Variants in SIM1 observed in about 807,000 individuals in gnomAD.
The protein encoded by SIM1 is SIM bHLH transcription factor 1, also known as single-minded homolog 1.
Under a neutral mutation model 78.2 loss-of-function variants are expected in SIM1, and 18 were observed. That is an observed-to-expected ratio of 0.23 (90% confidence interval 0.16 to 0.34). The LOEUF (loss-of-function observed/expected upper bound fraction) is 0.34. SIM1 is among the 10% of genes least tolerant of loss of function. The pLI, the probability that SIM1 is intolerant of heterozygous loss-of-function variation, is 1.00. For synonymous variants in SIM1, 417 were observed against 385.2 expected, an observed-to-expected ratio of 1.08 and a Z score of -0.97; for missense variants, 939 against 975.1, an observed-to-expected ratio of 0.96 and a Z score of 0.49.
At chr6:100,423,064 C>T (rs1771637484) in intron 9 of SIM1, among the ~76,000 whole-genome samples, 1 of 152,216 alleles carries the variant, frequency 6.6e-6, no homozygotes, top group African/African-American at 2.4e-5. Flanking sequence ...GTTTGTCTTT[C>T]AGGCTTGGGA....
intron 9 of SIM1, among the ~76,000 whole-genome samples, chr6:100,434,566 C>T (rs1771992874): frequency 6.6e-6 from 1 of 152,186 alleles, no homozygotes; most frequent in Non-Finnish European, 1.5e-5. Context: ...AAATGAATGG[C>T]TGAAGAGCAG....
chr6:100,412,742 A>AGAAAGAAAGAAG (rs1562240196), intron 10 of SIM1, among the ~76,000 whole-genome samples: 38 of 141,730 alleles, frequency 2.7e-4, no homozygotes, highest in African/African-American at 9.9e-4. Flanking sequence ...AAAGAAAGAA[A>AGAAAGAAAGAAG]GAAAGAAAGA....
intron 10 of SIM1, among the ~76,000 whole-genome samples, chr6:100,411,288 T>C (rs1158039458): frequency 2.0e-5 from 3 of 152,216 alleles, no homozygotes; most frequent in African/African-American, 7.2e-5. Context: ...TATTTTCATT[T>C]TGTACTGGAG....
At chr6:100,451,283 G>A (rs1232278660) in intron 3 of SIM1, among the ~76,000 whole-genome samples, 3 of 152,200 alleles carry the variant, frequency 2.0e-5, no homozygotes, top group African/African-American at 7.2e-5. Context: ...AGCTTGGACT[G>A]GAGAAGAGAG....
At position 100,390,164 on chromosome 6, in the gene SIM1, A is replaced by G; in HGVS notation, c.*197T>C. 5 of 602,018 alleles carry G rather than the reference A, an allele frequency of 8.3e-6. No homozygotes were observed. The highest frequency in any genetic ancestry group is 8.5e-6 in the Non-Finnish European group (3 of 354,930). The allele number at this position is 602,018 out of a possible 1,614,324, so 37.3% of individuals were successfully genotyped here. ...ATTAGAGGGGAAATTTGTGTATTCA[A>G]TTTAGCTCCCTTTTCTGTGTATAAC... On this transcript the variant is annotated 3_prime_UTR_variant, in exon 12 of 12. Transcript: ENST00000369208.
intron 9 of SIM1, among the ~76,000 whole-genome samples, chr6:100,436,653 T>A (rs1582306270): frequency 6.6e-6 from 1 of 152,234 alleles, no homozygotes; most frequent in African/African-American, 2.4e-5. Flanking sequence ...CAATTGACTC[T>A]ATGAGGTAGA....
At chr6:100,397,822 TCAA>T (rs1386480024) in intron 10 of SIM1, among the ~76,000 whole-genome samples, 3 of 151,644 alleles carry the variant, frequency 2.0e-5, no homozygotes, top group African/African-American at 4.8e-5. Flanking sequence ...CTCCCAAAAA[TCAA>T]CAACAAGAAC....
chr6:100,398,256 CT>C (rs1770815721), intron 10 of SIM1, among the ~76,000 whole-genome samples: 1 of 152,064 alleles, frequency 6.6e-6, no homozygotes, highest in African/African-American at 2.4e-5. Context: ...TGTTTCCTTT[CT>C]TTTTCAATGT....
At chr6:100,454,947 C>T (rs914496849) in intron 2 of SIM1, among the ~76,000 whole-genome samples, 3 of 152,022 alleles carry the variant, frequency 2.0e-5, no homozygotes, top group South Asian at 2.1e-4. Flanking sequence ...ATCCTTACAC[C>T]ATTAAACAAA....
chr6:100,449,101 G>A (rs1191559218), intron 6 of SIM1, among the ~76,000 whole-genome samples: 5 of 152,186 alleles, frequency 3.3e-5, no homozygotes, highest in African/African-American at 1.2e-4. Context: ...GACCCTTAAG[G>A]CCCATCTCTA....
At chr6:100,458,323 T>G (rs1486974122) in intron 2 of SIM1, among the ~76,000 whole-genome samples, 4 of 152,152 alleles carry the variant, frequency 2.6e-5, no homozygotes, top group African/African-American at 9.7e-5. Flanking sequence ...GCTTTGGCTA[T>G]GCCACCTCCC....
intron 9 of SIM1, among the ~76,000 whole-genome samples, chr6:100,428,697 C>T (rs929877110): frequency 1.3e-5 from 2 of 151,942 alleles, no homozygotes; most frequent in East Asian, 3.9e-4. Context: ...TTCTAAGACC[C>T]CTAGTGGGTG....
chr6:100,438,786 A>G (rs1772127774), intron 9 of SIM1, among the ~76,000 whole-genome samples: 1 of 152,228 alleles, frequency 6.6e-6, no homozygotes, highest in South Asian at 2.1e-4. Context: ...AGTCATAAAG[A>G]GGAACAAAAT....
intron 10 of SIM1, 126 bp from the exon 11 acceptor site, chr6:100,394,015 G>C (rs943945368): frequency 3.2e-6 from 3 of 938,088 alleles, no homozygotes; most frequent in African/African-American, 3.4e-5. Context: ...TCCTGAGGTC[G>C]TCAAAATAAC....
At chr6:100,426,827 T>C (rs1004632240) in intron 9 of SIM1, among the ~76,000 whole-genome samples, 2 of 152,234 alleles carry the variant, frequency 1.3e-5, no homozygotes, top group African/African-American at 4.8e-5. Flanking sequence ...TGCTGGCCAA[T>C]CTGGAGTTCT....
chr6:100,464,293 G>T (rs141923351), intron 1 of SIM1, among the ~76,000 whole-genome samples: 95 of 152,334 alleles, frequency 6.2e-4, no homozygotes, highest in African/African-American at 2.0e-3. Flanking sequence ...CCTCCAAGGC[G>T]AGGCAGGGGC....
intron 11 of SIM1, among the ~76,000 whole-genome samples, chr6:100,392,255 G>A (rs529441830): frequency 2.0e-5 from 3 of 152,266 alleles, no homozygotes; most frequent in South Asian, 4.1e-4. Context: ...ATATGGAGGA[G>A]TAGTGCATCC....
intron 3 of SIM1, 118 bp downstream of exon 3, chr6:100,453,644 T>G (rs1398212857): frequency 7.3e-6 from 5 of 682,908 alleles, no homozygotes; most frequent in Non-Finnish European, 1.2e-5. Context: ...CCTGTTTTTG[T>G]GGGGGGGGTT....
In SIM1 at chr6:100,393,678, C is replaced by T; in HGVS notation, c.1379G>A (p.Arg460Lys). Residue 460 changes from arginine (R) to lysine (K), a missense_variant, in exon 11 of 12, where the codon AGG becomes AAG. By Grantham distance (26) the Arg-to-Lys change is conservative. Transcript: ENST00000369208. The part of the protein sequence containing the change: ...ALDHSRLVEE[R>K]HFHTQACEGG... ...TTCACAGGCCTGGGTATGGAAATGC[C>T]TCTCTTCCACCAGCCTCGAGTGGTC... 1 of 1,614,016 alleles carries T rather than the reference C, an allele frequency of 6.2e-7. No homozygotes were observed. Among genetic ancestry groups the T allele is most frequent in the Non-Finnish European group, 8.5e-7 (1 of 1,179,892 alleles).
Sources: gnomAD v4.1 joint callset for allele counts (sites outside exome capture counted in the v4.1 genomes callset) on GRCh38, gnomAD v4.1.1 for gene constraint, MANE v1.5 for transcripts, NCBI Gene and HGNC (gene_info 2026-07-23, HGNC 2026-07-21) for gene names.